ZNF385D: variants seen among roughly 807,000 people sequenced by gnomAD.
The protein encoded by ZNF385D is zinc finger protein 659.
In ZNF385D, 15 loss-of-function variants were observed where a neutral mutation model predicts 35.8. That is an observed-to-expected ratio of 0.42 (90% CI 0.28 to 0.64). The LOEUF is 0.64. Among genes scored for constraint, ZNF385D ranks in the 30% least tolerant of loss-of-function variants. The probability of loss-of-function intolerance (pLI) is 0.23; values close to 1 mark genes in which losing one functional copy is unlikely to be tolerated. For synonymous variants in ZNF385D, 212 were observed against 186.8 expected (o/e 1.13, Z -1.10); for missense variants, 474 against 494.6 (o/e 0.96, Z 0.39).
chr3:21,816,254 C>G (rs1393429263), intron 3 of ZNF385D, among the ~76,000 whole-genome samples: 1 of 152,148 alleles, frequency 6.6e-6, no homozygotes, highest in Non-Finnish European at 1.5e-5. Flanking sequence ...GAAGCATTCC[C>G]TTTGAAAACT....
chr3:21,712,824 A>G (rs34443585), intron 1 of ZNF385D, among the ~76,000 whole-genome samples: 2 of 152,188 alleles, frequency 1.3e-5, no homozygotes, highest in Non-Finnish European at 2.9e-5. Flanking sequence ...TAAATCTACC[A>G]CAAGCTTTCT....
intron 2 of ZNF385D, among the ~76,000 whole-genome samples, chr3:22,264,514 C>T (rs905553832): frequency 3.3e-5 from 5 of 152,116 alleles, no homozygotes; most frequent in African/African-American, 1.2e-4. Flanking sequence ...AAGATCCTAA[C>T]ATGTTTCTTT....
intron 3 of ZNF385D, among the ~76,000 whole-genome samples, chr3:21,838,584 T>C (rs554943683): frequency 6.6e-6 from 1 of 152,154 alleles, no homozygotes; most frequent in African/African-American, 2.4e-5. Flanking sequence ...TGAGTGTCAA[T>C]TGTCAAAGTG....
chr3:22,264,110 G>A (rs551264021), intron 2 of ZNF385D, among the ~76,000 whole-genome samples: 9 of 151,832 alleles, frequency 5.9e-5, no homozygotes, highest in Non-Finnish European at 1.5e-5. Context: ...AGACTCCAAG[G>A]GGCATAAGGC....
intron 3 of ZNF385D, among the ~76,000 whole-genome samples, chr3:22,039,282 G>A (rs890088778): frequency 6.9e-6 from 1 of 144,760 alleles, no homozygotes; most frequent in Non-Finnish European, 1.5e-5. Flanking sequence ...AAGAGTCTAT[G>A]TATAAGCAGG....
At chr3:21,719,726 G>T (rs182473599) in intron 1 of ZNF385D, among the ~76,000 whole-genome samples, 14 of 151,948 alleles carry the variant, frequency 9.2e-5, no homozygotes, top group Non-Finnish European at 2.1e-4. Context: ...GAAGCAGCCC[G>T]ACTGGAACTC....
At chr3:21,809,360 AATT>A (rs1163984994) in intron 3 of ZNF385D, among the ~76,000 whole-genome samples, 1 of 148,306 alleles carries the variant, frequency 6.7e-6, no homozygotes, top group Admixed American at 6.9e-5. Flanking sequence ...GGGTTTTTAA[AATT>A]ATGTTTGATA....
At chr3:21,818,571 A>C (rs1337493064) in intron 3 of ZNF385D, among the ~76,000 whole-genome samples, 1 of 152,178 alleles carries the variant, frequency 6.6e-6, no homozygotes, top group Non-Finnish European at 1.5e-5. Flanking sequence ...CTAGATAAAA[A>C]TATAATTACT....
chr3:21,745,280 GA>G (rs1222669264), intron 1 of ZNF385D, among the ~76,000 whole-genome samples: 1 of 152,040 alleles, frequency 6.6e-6, no homozygotes, highest in African/African-American at 2.4e-5. Context: ...GGCAAAAAAA[GA>G]AAAAACTGAA....
chr3:21,904,227 C>T (rs796645036), intron 3 of ZNF385D, among the ~76,000 whole-genome samples: 42 of 148,720 alleles, frequency 2.8e-4, no homozygotes, highest in African/African-American at 1.0e-3. Context: ...TGGCTTGAAC[C>T]CAGGAGGCGG....
chr3:21,692,058 T>A (rs1014035300), intron 1 of ZNF385D, among the ~76,000 whole-genome samples: 1 of 152,226 alleles, frequency 6.6e-6, no homozygotes, highest in African/African-American at 2.4e-5. Context: ...CATATCAGAA[T>A]TTCATTCTTT....
chr3:22,325,858 G>C (rs1694653977), intron 2 of ZNF385D, among the ~76,000 whole-genome samples: 1 of 152,082 alleles, frequency 6.6e-6, no homozygotes, highest in Non-Finnish European at 1.5e-5. Flanking sequence ...AGGTCTGGTA[G>C]TTTTAACTAC....
chr3:21,568,249 A>G (rs368637809), intron 2 of ZNF385D, among the ~76,000 whole-genome samples: 1 of 152,190 alleles, frequency 6.6e-6, no homozygotes, highest in Non-Finnish European at 1.5e-5. Flanking sequence ...AAAGGGCAAA[A>G]TCTAAATAAT....
At chr3:22,278,761 A>T (rs1176800385) in intron 2 of ZNF385D, among the ~76,000 whole-genome samples, 4 of 152,128 alleles carry the variant, frequency 2.6e-5, no homozygotes, top group Non-Finnish European at 5.9e-5. Context: ...ACTTAAAAAG[A>T]TGCAATTGAA....
chr3:21,894,767 C>G (rs1699045725), intron 3 of ZNF385D, among the ~76,000 whole-genome samples: 1 of 152,052 alleles, frequency 6.6e-6, no homozygotes, highest in African/African-American at 2.4e-5. Context: ...GAGTTTAAAT[C>G]TTACAAGCAG....
chr3:21,595,157 A>C (rs1575277639), intron 2 of ZNF385D, among the ~76,000 whole-genome samples: 1 of 152,172 alleles, frequency 6.6e-6, no homozygotes, highest in African/African-American at 2.4e-5. Flanking sequence ...TCAGATATCC[A>C]TCAGACCCCA....
At chr3:21,670,990 A>G (rs549856989) in intron 1 of ZNF385D, among the ~76,000 whole-genome samples, 1 of 151,946 alleles carries the variant, frequency 6.6e-6, no homozygotes. Flanking sequence ...CTGCTACCCT[A>G]TTTGACATCA....
At chr3:22,371,102 G>A (rs1383281868) in intron 2 of ZNF385D, among the ~76,000 whole-genome samples, 3 of 152,198 alleles carry the variant, frequency 2.0e-5, no homozygotes, top group Admixed American at 1.3e-4. Flanking sequence ...ATGCTGTGTT[G>A]CATCAATCTA....
chr3:21,523,869 C>G (rs1483420156), intron 3 of ZNF385D, among the ~76,000 whole-genome samples: 1 of 151,880 alleles, frequency 6.6e-6, no homozygotes, highest in African/African-American at 2.4e-5. Flanking sequence ...GAGGGCAAGA[C>G]TGGGGAAGGA....
Sources: allele counts gnomAD v4.1 joint callset (sites outside exome capture counted in the v4.1 genomes callset), GRCh38; gene constraint gnomAD v4.1.1; transcripts MANE v1.5; gene names NCBI Gene and HGNC (gene_info 2026-07-23, HGNC 2026-07-21).